The following NR3C1 variants were observed in gnomAD, a reference collection of about 807,000 sequenced individuals.
NR3C1 encodes the protein nuclear receptor subfamily 3 group C member 1.
In NR3C1, 14 loss-of-function variants were observed where a neutral mutation model predicts 74.0. That is an observed-to-expected ratio of 0.19 (90% confidence interval 0.12 to 0.30). The LOEUF (loss-of-function observed/expected upper bound fraction) is 0.30, where lower values mean the gene tolerates loss of function less well. NR3C1 is among the 10% of genes least tolerant of loss of function. NR3C1 has a pLI of 1.00. For missense variants in NR3C1, 695 were observed against 909.8 expected, an observed-to-expected ratio of 0.76 and a Z score of 3.04; for synonymous variants, 308 against 332.5, an observed-to-expected ratio of 0.93 and a Z score of 0.80.
chr5:143,381,801 T>C (rs1836300098), intron 2 of NR3C1, among the ~76,000 whole-genome samples: 2 of 152,142 alleles, frequency 1.3e-5, no homozygotes, highest in Non-Finnish European at 2.9e-5. Context: ...AAGCCCTAAA[T>C]CTAAGACCTG....
intron 2 of NR3C1, among the ~76,000 whole-genome samples, chr5:143,372,174 A>G (rs1037332409): frequency 6.6e-6 from 1 of 152,208 alleles, no homozygotes; most frequent in Non-Finnish European, 1.5e-5. Context: ...CTTATCATAG[A>G]TCTTAGCAGT....
intron 4 of NR3C1, among the ~76,000 whole-genome samples, chr5:143,307,136 T>A (rs1336066664): frequency 6.6e-6 from 1 of 152,152 alleles, no homozygotes; most frequent in Non-Finnish European, 1.5e-5. Context: ...GACCTCGTGA[T>A]CCACCTGCCT....
Position 143,281,293 on chromosome 5 carries a change from G to C in NR3C1, c.*596C>G, listed in dbSNP as rs1813051968. The C allele has an allele frequency of 6.5e-6, 1 of 153,492 alleles. No individual in the cohort carries two copies. The highest frequency in any genetic ancestry group is 1.5e-5 in the Non-Finnish European group (1 of 68,822). The allele number at this position is 153,492 out of a possible 1,614,324, so 9.5% of individuals were successfully genotyped here. ...AACTAGCTGCCCATCTTAAACAGCTGTACAATAACTTGAATAAAAAATTAT... is the reference window on the plus strand; with the variant it reads ...AACTAGCTGCCCATCTTAAACAGCTCTACAATAACTTGAATAAAAAATTAT... On this transcript the variant is annotated 3_prime_UTR_variant, in exon 9 of 9. Coordinates refer to ENST00000394464, the MANE Select transcript of NR3C1 (RefSeq NM_000176.3).
intron 2 of NR3C1, among the ~76,000 whole-genome samples, chr5:143,391,466 A>T (rs562970001): frequency 1.3e-5 from 2 of 152,258 alleles, no homozygotes; most frequent in South Asian, 4.1e-4. Context: ...TTTCATTCCC[A>T]TTTTCAGGCA....
intron 1 of NR3C1, among the ~76,000 whole-genome samples, chr5:143,419,397 T>A (rs67962882): frequency 0.18 from 27,685 of 152,168 alleles, 2,730 homozygotes; most frequent in Middle Eastern, 0.35. Context: ...ATAAAAGAAA[T>A]GTGGCATTCC....
rs192592072 is a variant in NR3C1 at position 143,424,135 on chromosome 5, C to T, written c.-14+10397G>A. Among the ~76,000 whole-genome samples the T allele has an allele frequency of 9.6e-4, 146 of 151,772 alleles. 1 individual carries two copies. In the East Asian group the frequency reaches 0.022, roughly 22 times the overall value. ...CTAGATGACGAGTTAATGGGTGCAGCGCACCACCATGGCACATGTATACAT... is the reference window on the plus strand; with the variant it reads ...CTAGATGACGAGTTAATGGGTGCAGTGCACCACCATGGCACATGTATACAT... On this transcript the variant is annotated intron_variant, in intron 1 of 8. Transcript: ENST00000343796.
At chr5:143,344,930 T>C (rs1266165872) in intron 2 of NR3C1, among the ~76,000 whole-genome samples, 4 of 152,166 alleles carry the variant, frequency 2.6e-5, no homozygotes, top group African/African-American at 9.6e-5. Flanking sequence ...TGCCCAGCTC[T>C]GTCCAGGGCC....
upstream of NR3C1, chr5:143,403,717 G>A (rs61759008): frequency 2.3e-5 from 23 of 985,168 alleles, no homozygotes; most frequent in African/African-American, 3.7e-4. Context: ...GCACACACGC[G>A]CTCCCACTCC....
intron 1 of NR3C1, among the ~76,000 whole-genome samples, chr5:143,431,496 G>A (rs1022258431): frequency 6.6e-6 from 1 of 152,062 alleles, no homozygotes; most frequent in Non-Finnish European, 1.5e-5. Flanking sequence ...GGGCCTGTCA[G>A]GGGGTGGGGG....
At chr5:143,394,057 TA>T (rs1359438815) in intron 2 of NR3C1, among the ~76,000 whole-genome samples, 5 of 151,940 alleles carry the variant, frequency 3.3e-5, no homozygotes, top group Admixed American at 3.3e-4. Context: ...TTTGGTGCCC[TA>T]CAGTGAGAAT....
In NR3C1 at chr5:143,279,463, C is replaced by G. The variant is rs1010220802; in HGVS notation, c.*2426G>C. The G allele has an allele frequency of 1.6e-5, 24 of 1,469,486 alleles. No individual in the cohort carries two copies. The highest frequency in any genetic ancestry group is 1.8e-4 in the Middle Eastern group (1 of 5,590). The allele number at this position is 1,469,486 out of a possible 1,614,324, so 91.0% of individuals were successfully genotyped here. Reference sequence around the variant, plus strand: ...TAGAAGCTCTTTTTGAAACTTAACACTGTCATTGATAAGAATATTCAAGCA... The same window carrying G: ...TAGAAGCTCTTTTTGAAACTTAACAGTGTCATTGATAAGAATATTCAAGCA... On this transcript the variant is annotated 3_prime_UTR_variant, in exon 9 of 9. Coordinates refer to ENST00000394464, the MANE Select transcript of NR3C1 (RefSeq NM_000176.3).
At chr5:143,288,022 T>C (rs1814894737) in intron 7 of NR3C1, among the ~76,000 whole-genome samples, 1 of 152,154 alleles carries the variant, frequency 6.6e-6, no homozygotes, top group Non-Finnish European at 1.5e-5. Flanking sequence ...AACTATACTC[T>C]GCTCAGTAGT....
At chr5:143,426,294 T>C (rs1751524692) in intron 1 of NR3C1, among the ~76,000 whole-genome samples, 1 of 152,190 alleles carries the variant, frequency 6.6e-6, no homozygotes, top group South Asian at 2.1e-4. Context: ...GCTTTGAAAT[T>C]TGATAGCGGG....
intron 2 of NR3C1, among the ~76,000 whole-genome samples, chr5:143,347,989 G>C (rs1427688590): frequency 6.6e-6 from 1 of 152,054 alleles, no homozygotes; most frequent in African/African-American, 2.4e-5. Context: ...TTGTTCATTT[G>C]GTGTCTTTTT....
intron 7 of NR3C1, among the ~76,000 whole-genome samples, chr5:143,289,164 A>G (rs1430397038): frequency 1.3e-5 from 2 of 152,190 alleles, no homozygotes; most frequent in Non-Finnish European, 2.9e-5. Context: ...TGGAGAATTC[A>G]TATTACCAAA....
In NR3C1 at chr5:143,410,462, GA is replaced by G. The variant is rs200463909; in HGVS notation, c.-13-9611del. Among the ~76,000 whole-genome samples, 47 of 150,850 alleles carry G rather than the reference GA, an allele frequency of 3.1e-4. 1 individual carries two copies. The East Asian group carries it at 7.9e-3, about 25-fold the overall frequency. On this transcript the variant is annotated intron_variant, in intron 1 of 8. Coordinates refer to the NR3C1 transcript ENST00000343796. ...GCTACAAAGGACATTTGTCACCATT[GA>G]AAAAAAAATTGTTTTGAGATCAGTA...
In NR3C1 at chr5:143,430,019, T is replaced by C. The variant is rs140873791; in HGVS notation, c.-14+4513A>G. Among the ~76,000 whole-genome samples the C allele has an allele frequency of 9.1e-3, 1,378 of 150,846 alleles. 12 individuals are homozygous for C. The highest frequency in any genetic ancestry group is 0.038 in the Middle Eastern group (11 of 292). ...ATTGCTTGAGCCTGGGAGGTGGAGG[T>C]TGCAGTAAGCCAAGATTGCACCACT... is the stretch of plus-strand genomic sequence containing the variant. On this transcript the variant is annotated intron_variant, in intron 1 of 8. Coordinates refer to the NR3C1 transcript ENST00000343796.
chr5:143,433,460 A>ATATATAATTTATTTATTTAGAT (rs1413693943), intron 1 of NR3C1, among the ~76,000 whole-genome samples: 1 of 146,006 alleles, frequency 6.8e-6, no homozygotes, highest in Non-Finnish European at 1.5e-5. Context: ...AATTATATAT[A>ATATATAATTTATTTATTTAGAT]TATATATATA....
At chr5:143,355,954 T>C (rs1218322325) in intron 2 of NR3C1, among the ~76,000 whole-genome samples, 1 of 152,206 alleles carries the variant, frequency 6.6e-6, no homozygotes, top group Non-Finnish European at 1.5e-5. Flanking sequence ...GTAAGTTGTT[T>C]ACTCCCTGTC....
Sources: allele counts gnomAD v4.1 joint callset (sites outside exome capture counted in the v4.1 genomes callset), GRCh38; gene constraint gnomAD v4.1.1; transcripts MANE v1.5; gene names NCBI Gene and HGNC (gene_info 2026-07-23, HGNC 2026-07-21).